The following PRDM5 variants were observed in gnomAD, a reference collection of about 807,000 sequenced individuals.
PRDM5 encodes PR domain zinc finger protein 5.
PRDM5 carries 56 observed loss-of-function variants against 81.2 expected under a neutral mutation model. The observed-to-expected ratio is 0.69, with a 90% confidence interval of 0.56 to 0.86. The LOEUF is 0.86. Among genes scored for constraint, PRDM5 ranks in the 40% least tolerant of loss-of-function variants. The pLI is 0.00. For synonymous variants in PRDM5, 267 were observed against 256.4 expected, an observed-to-expected ratio of 1.04 and a Z score of -0.39; for missense variants, 697 against 770.1, an observed-to-expected ratio of 0.91 and a Z score of 1.12.
chr4:120,723,020 T>G (rs542050544), intron 14 of PRDM5, among the ~76,000 whole-genome samples: 29 of 152,340 alleles, frequency 1.9e-4, no homozygotes, highest in African/African-American at 6.5e-4. Context: ...CCCTTTCAGT[T>G]GGGCTTTTGG....
At chr4:120,830,597 TAAG>T (rs1217739058) in intron 3 of PRDM5, among the ~76,000 whole-genome samples, 4 of 152,054 alleles carry the variant, frequency 2.6e-5, no homozygotes, top group African/African-American at 9.6e-5. Context: ...TATTTGAAAA[TAAG>T]AAGCAAGTGA....
chr4:120,809,962 A>AC (rs75820030), intron 8 of PRDM5, among the ~76,000 whole-genome samples: 22,966 of 152,004 alleles, frequency 0.15, 2,379 homozygotes, highest in East Asian at 0.48. Flanking sequence ...GTCTCCCATC[A>AC]CCCCCAGATG....
intron 5 of PRDM5, 57 bp from the exon 6 acceptor site, chr4:120,816,981 C>T (rs981650480): frequency 2.4e-5 from 32 of 1,344,242 alleles, no homozygotes; most frequent in Non-Finnish European, 3.1e-5. Context: ...AACTCTAAGA[C>T]AAAAATGAAA....
At chr4:120,757,387 T>A (rs538726550) in intron 13 of PRDM5, among the ~76,000 whole-genome samples, 1 of 152,260 alleles carries the variant, frequency 6.6e-6, no homozygotes, top group Non-Finnish European at 1.5e-5. Context: ...ACCTATCCTA[T>A]GAGTACAGTG....
intron 12 of PRDM5, among the ~76,000 whole-genome samples, chr4:120,779,060 T>C (rs1455060016): frequency 6.6e-6 from 1 of 152,166 alleles, no homozygotes; most frequent in African/African-American, 2.4e-5. Context: ...AATCACAGCA[T>C]TTCTTTTGCT....
intron 14 of PRDM5, among the ~76,000 whole-genome samples, chr4:120,722,429 G>T (rs1459489500): frequency 6.6e-6 from 1 of 151,860 alleles, no homozygotes; most frequent in Non-Finnish European, 1.5e-5. Flanking sequence ...TTCTATTTGG[G>T]TGTTGCCTTC....
chr4:120,814,017 C>A (rs116056526), intron 7 of PRDM5, among the ~76,000 whole-genome samples: 6,531 of 152,296 alleles, frequency 0.043, 186 homozygotes, highest in African/African-American at 0.084. Context: ...CTCTCCTTTT[C>A]ATGGCTTCTC....
downstream of PRDM5, among the ~76,000 whole-genome samples, chr4:120,687,707 G>T: frequency 6.6e-6 from 1 of 152,096 alleles, no homozygotes; most frequent in East Asian, 1.9e-4. Context: ...TTAAGAGGTG[G>T]GACTTTTAGA....
chr4:120,810,908 A>T (rs1200468600), intron 8 of PRDM5, among the ~76,000 whole-genome samples: 1 of 152,198 alleles, frequency 6.6e-6, no homozygotes, highest in Non-Finnish European at 1.5e-5. Context: ...CTGGATTAAA[A>T]ATCATATAAA....
At chr4:120,911,251 T>G (rs999670458) in intron 1 of PRDM5, among the ~76,000 whole-genome samples, 1 of 152,230 alleles carries the variant, frequency 6.6e-6, no homozygotes, top group Non-Finnish European at 1.5e-5. Context: ...ACATGATTTT[T>G]AGAGAAGCTA....
chr4:120,762,117 A>G (rs1269463245), intron 13 of PRDM5, among the ~76,000 whole-genome samples: 1 of 152,190 alleles, frequency 6.6e-6, no homozygotes, highest in Non-Finnish European at 1.5e-5. Flanking sequence ...GTCATTTAAT[A>G]TATTTCAAAA....
At chr4:120,807,393 T>A (rs1349450709) in intron 8 of PRDM5, among the ~76,000 whole-genome samples, 3 of 152,242 alleles carry the variant, frequency 2.0e-5, no homozygotes, top group Non-Finnish European at 4.4e-5. Flanking sequence ...ATCATGCTGC[T>A]ATAAAGACAC....
intron 1 of PRDM5, among the ~76,000 whole-genome samples, chr4:120,919,074 TC>T (rs1724576015): frequency 1.3e-5 from 2 of 152,164 alleles, no homozygotes; most frequent in Non-Finnish European, 2.9e-5. Context: ...CTAGAGAATC[TC>T]CTGGCTGGCT....
intron 2 of PRDM5, among the ~76,000 whole-genome samples, chr4:120,869,942 G>A (rs1481456852): frequency 1.3e-5 from 2 of 151,990 alleles, no homozygotes; most frequent in Admixed American, 6.6e-5. Flanking sequence ...GTCTACATGA[G>A]AGCACTGTGT....
downstream of PRDM5, among the ~76,000 whole-genome samples, chr4:120,689,541 A>T (rs1733960456): frequency 6.6e-6 from 1 of 152,170 alleles, no homozygotes; most frequent in African/African-American, 2.4e-5. Flanking sequence ...ACATTTCAGT[A>T]ATAAAACTAG....
intron 1 of PRDM5, among the ~76,000 whole-genome samples, chr4:120,911,428 G>T (rs187766739): frequency 6.6e-6 from 1 of 152,194 alleles, no homozygotes; most frequent in Non-Finnish European, 1.5e-5. Context: ...CCAATGTCCA[G>T]CCCATAATGG....
rs542100121 is a variant in PRDM5 at position 120,787,006 on chromosome 4, C to T, written c.1189-1915G>A. Among the ~76,000 whole-genome samples the T allele has an allele frequency of 2.8e-4, 43 of 152,136 alleles. No homozygotes were observed. The South Asian group carries it at 3.9e-3, about 14-fold the overall frequency. ...CCAAAAGACAATGTCCCTGCTATCACGAAGCTTTTACACTAGCAGAGGAGA... is the reference window on the plus strand; with the variant it reads ...CCAAAAGACAATGTCCCTGCTATCATGAAGCTTTTACACTAGCAGAGGAGA... On this transcript the variant is annotated intron_variant, in intron 10 of 15. Coordinates refer to ENST00000264808, the MANE Select transcript of PRDM5 (RefSeq NM_018699.4).
intron 14 of PRDM5, among the ~76,000 whole-genome samples, chr4:120,746,982 C>T (rs1407043032): frequency 1.3e-5 from 2 of 150,554 alleles, no homozygotes; most frequent in African/African-American, 4.9e-5. Context: ...GACACATGCA[C>T]ACGTATGTTT....
At chr4:120,808,984 C>T (rs974920807) in intron 8 of PRDM5, among the ~76,000 whole-genome samples, 6 of 152,226 alleles carry the variant, frequency 3.9e-5, no homozygotes, top group African/African-American at 1.2e-4. Flanking sequence ...GAGCCGGCTC[C>T]GGCCTTGTCC....
Sources: allele counts gnomAD v4.1 joint callset (sites outside exome capture counted in the v4.1 genomes callset), GRCh38; gene constraint gnomAD v4.1.1; transcripts MANE v1.5; gene names NCBI Gene and HGNC (gene_info 2026-07-23, HGNC 2026-07-21).